ETV3L: variants seen among roughly 807,000 people sequenced by gnomAD.
The protein encoded by ETV3L is ETS variant transcription factor 3 like.
A neutral mutation model predicts 27.6 loss-of-function variants in ETV3L; 30 were observed. The ratio of observed to expected loss-of-function variants is 1.09; its 90% CI spans 0.81 to 1.48. ETV3L has a LOEUF of 1.48. Ranked by LOEUF, ETV3L falls within the 40% of genes most tolerant of loss-of-function variation. The probability of loss-of-function intolerance (pLI) is 0.00; values close to 1 mark genes in which losing one functional copy is unlikely to be tolerated. For synonymous variants in ETV3L, 186 were observed against 188.9 expected (o/e 0.98, Z 0.12); for missense variants, 443 against 455.6 (o/e 0.97, Z 0.25).
rs148267509 is a variant in ETV3L at position 157,099,482 on chromosome 1, G to A, written c.42C>T (p.Pro14=). 16 of 1,613,428 alleles carry A rather than the reference G, an allele frequency of 9.9e-6. No individual in the cohort carries two copies. The highest frequency in any genetic ancestry group is 5.5e-5 in the South Asian group (5 of 90,986). ...SCLAEGIPAN[P]GNWISGLAFP... is the part of the protein sequence containing the mutation. ...GAGGCTCACCTGAGATCCAGTTGCC[G>A]GGGTTGGCTGGGATGCCCTCAGCCA... The change falls in exon 1 of 5, where the codon CCC becomes CCT. Residue 14 remains proline, a synonymous_variant. Transcript: ENST00000454449.
chr1:157,097,934 G>A lies in ETV3L; in HGVS notation c.541C>T (p.Gln181Ter). ...TCTGGTGGCCCTCGGGGGGTCTGCTGTCCTGTCAGCTGCTCCACCATGGCC... is the reference window on the plus strand; with the variant it reads ...TCTGGTGGCCCTCGGGGGGTCTGCTATCCTGTCAGCTGCTCCACCATGGCC... Reference protein sequence around the residue: ...HQAMVEQLTGQQTPRGPPETS... With the variant: ...HQAMVEQLTG The change falls in exon 4 of 5, where the codon CAG becomes TAG. Residue 181 changes from glutamine to a stop codon, truncating the protein, a stop_gained. Transcript: ENST00000454449. LOFTEE classifies it high-confidence loss of function. 1 of 1,613,792 alleles carries A rather than the reference G, an allele frequency of 6.2e-7. No individual in the cohort carries two copies. The highest frequency in any genetic ancestry group is 8.5e-7 in the Non-Finnish European group (1 of 1,179,902).
At position 157,098,016 on chromosome 1, in the gene ETV3L, G is replaced by A. The variant is rs74116970; in HGVS notation, c.487-28C>T. 5.3e-4 allele frequency: 836 copies of A among 1,573,874 alleles called. 8 individuals carry two copies. The African/African-American group carries it at 9.9e-3, about 19-fold the overall frequency. On this transcript the variant is annotated intron_variant, in intron 3 of 4. Coordinates refer to ENST00000454449, the MANE Select transcript of ETV3L (RefSeq NM_001004341.2). ...GAGGGGTGAGAAGTAGGTGCGAGGT[G>A]TGATGGGCTCTCCTTGGCATGTATC...
At chr1:157,098,632 G>T in intron 3 of ETV3L, 74 bp downstream of exon 3, 1 of 1,381,810 alleles carries the variant, frequency 7.2e-7, no homozygotes, top group Non-Finnish European at 9.7e-7. Context: ...AGGCAAAGAG[G>T]AGGGTGGGGA....
At position 157,098,704 on chromosome 1, in the gene ETV3L, A is replaced by T. The variant is rs1202062394; in HGVS notation, c.486+2T>A. On this transcript the variant is annotated splice_donor_variant, in intron 3 of 4. Coordinates refer to ENST00000454449, the MANE Select transcript of ETV3L (RefSeq NM_001004341.2). LOFTEE classifies it high-confidence loss of function. ...TGAGACAGGGGCCACCTCCGCTCTT[A>T]CCTCACTCTGCACACCCACGGGCAC... 1.9e-6 allele frequency: 3 copies of T among 1,589,204 alleles called. No homozygotes were observed. The African/African-American group carries it at 4.1e-5, about 21-fold the overall frequency.
chr1:157,098,792 C>T lies in ETV3L; in HGVS notation c.400G>A (p.Val134Met), dbSNP rs1674282641. The change falls in exon 3 of 5, where the codon GTG (valine) becomes ATG (methionine). Residue 134 changes from valine to methionine, a missense_variant. Physicochemically the swap from Val to Met is conservative, Grantham distance 21. Coordinates refer to ENST00000454449, the MANE Select transcript of ETV3L (RefSeq NM_001004341.2). ...LIVVNYPLWE[V>M]RAPPSPHLLL... ...AAGTGGGGGGATGGCGGCGCCCGCA[C>T]TTCCCACAAAGGATAGTTGACTACG... 6.2e-7 allele frequency: 1 copy of T among 1,614,148 alleles called. No homozygotes were observed. Among genetic ancestry groups the T allele is most frequent in the Non-Finnish European group, 8.5e-7 (1 of 1,180,008 alleles).
rs1674297483 is a variant in ETV3L at position 157,099,376 on chromosome 1, A to G, written c.61T>C (p.Leu21=). The stretch of plus-strand genomic sequence containing the variant: ...TTGTAGGCCCAATCAGGGAAGGCCA[A>G]CCCTGGGTGGAGAGGGGAGAGTGAG... ...PANPGNWISG[L]AFPDWAYKAE... The change falls in exon 2 of 5, where the codon TTG becomes CTG. Residue 21 remains leucine (L), a splice_region_variant and synonymous_variant. Coordinates refer to ENST00000454449, the MANE Select transcript of ETV3L (RefSeq NM_001004341.2). 15 of 1,614,084 alleles carry G rather than the reference A, an allele frequency of 9.3e-6. No individual in the cohort carries two copies. Among genetic ancestry groups the G allele is most frequent in the African/African-American group, 1.3e-5 (1 of 75,010 alleles).
chr1:157,095,551 C>T (rs1467663), intron 4 of ETV3L, among the ~76,000 whole-genome samples: 90,953 of 139,718 alleles, frequency 0.65, 29,480 homozygotes, highest in East Asian at 0.77. Flanking sequence ...TTCTTTCTTT[C>T]TTTTTTTTTT....
intron 3 of ETV3L, 43 bp from the exon 4 acceptor site, chr1:157,098,031 T>G (rs775475662): frequency 1.5e-5 from 24 of 1,556,926 alleles, no homozygotes; most frequent in Non-Finnish European, 1.8e-5. Context: ...GGGCTCTCCT[T>G]GGCATGTATC....
intron 4 of ETV3L, among the ~76,000 whole-genome samples, chr1:157,094,089 T>G (rs1369842206): frequency 1.3e-5 from 2 of 152,210 alleles, no homozygotes; most frequent in Non-Finnish European, 2.9e-5. Context: ...GGGAAGGATA[T>G]TCTCTGCTAT....
intron 3 of ETV3L, 101 bp from the exon 4 acceptor site, chr1:157,098,089 A>G: frequency 7.5e-7 from 1 of 1,342,260 alleles, no homozygotes; most frequent in East Asian, 2.7e-5. Context: ...ACAATGAAAT[A>G]CTCTCATACC....
chr1:157,098,814 T>G lies in ETV3L; in HGVS notation c.378A>C (p.Val126=), dbSNP rs1447982107. The stretch of plus-strand genomic sequence containing the variant: ...GCACTTCCCACAAAGGATAGTTGAC[T>G]ACGATGAGCTTGCTGAAGTTGAACT... The part of the protein sequence containing the change: ...TYKFNFSKLI[V]VNYPLWEVRA... Residue 126 remains valine, a synonymous_variant, in exon 3 of 5, where the codon GTA becomes GTC. Transcript: ENST00000454449. 1 of 1,614,036 alleles carries G rather than the reference T, an allele frequency of 6.2e-7. No individual in the cohort carries two copies. The highest frequency in any genetic ancestry group is 8.5e-7 in the Non-Finnish European group (1 of 1,180,026).
At chr1:157,094,923 A>AAC (rs1161718951) in intron 4 of ETV3L, among the ~76,000 whole-genome samples, 5 of 151,604 alleles carry the variant, frequency 3.3e-5, no homozygotes, top group East Asian at 1.9e-4. Flanking sequence ...CAAAAAAAAA[A>AAC]AAAAAAAAAA....
Position 157,099,242 on chromosome 1 carries a change from G to A in ETV3L, c.195C>T (p.Tyr65=), listed in dbSNP as rs764665765. 64 of 1,613,766 alleles carry A rather than the reference G, an allele frequency of 4.0e-5. No individual in the cohort carries two copies. The highest frequency in any genetic ancestry group is 2.0e-4 in the East Asian group (9 of 44,886). The part of the protein sequence containing the change: ...RHVIAWQQGE[Y]GEFVIKDPDE... ...CTGGATCCTTGATGACAAATTCCCC[G>A]TACTCTCCCTGCTGCCAGGCGATGA... The change falls in exon 2 of 5, where the codon TAC becomes TAT. Residue 65 remains tyrosine, a synonymous_variant. Transcript: ENST00000454449.
At position 157,099,333 on chromosome 1, in the gene ETV3L, C is replaced by G; in HGVS notation, c.104G>C (p.Gly35Ala). Residue 35 changes from glycine (G) to alanine (A), a missense_variant, in exon 2 of 5, where the codon GGC (glycine) becomes GCC (alanine). By Grantham distance (60) the Gly-to-Ala change is moderately conservative (BLOSUM62 0). Coordinates refer to ENST00000454449, the MANE Select transcript of ETV3L (RefSeq NM_001004341.2). ...GTGCCACAGCTGGATCTGCCGGGAG[C>G]CTGGGGACGACTCGGCTTTGTAGGC... ...DWAYKAESSP[G>A]SRQIQLWHFI... is the part of the protein sequence containing the mutation. 1 of 1,614,188 alleles carries G rather than the reference C, an allele frequency of 6.2e-7. No individual in the cohort carries two copies. The highest frequency in any genetic ancestry group is 2.2e-5 in the East Asian group (1 of 44,878).
chr1:157,098,082 A>G lies in ETV3L; in HGVS notation c.487-94T>C, dbSNP rs565155400. The stretch of plus-strand genomic sequence containing the variant: ...GTACTGTTAGCCAGTTGCTAAAACA[A>G]TGAAATACTCTCATACCGATTTTTT... On this transcript the variant is annotated intron_variant, in intron 3 of 4. Coordinates refer to ENST00000454449, the MANE Select transcript of ETV3L (RefSeq NM_001004341.2). 1.0e-5 allele frequency: 14 copies of G among 1,404,256 alleles called. No homozygotes were observed. In the African/African-American group the frequency reaches 1.3e-4, roughly 13 times the overall value. 87.0% of individuals were successfully genotyped at this position (1,404,256 alleles called of 1,614,324 possible).
Position 157,092,682 on chromosome 1 carries a change from G to T in ETV3L, c.1053C>A (p.Asn351Lys), listed in dbSNP as rs375241968. ...GATCCAAGGGCCACACTGCTTTGAG[G>T]TTCTCCAGATTGGGGGAAGTAAGGC... Reference protein sequence around the residue: ...EESLTSPNLENLKAVWPLDPP With the variant: ...EESLTSPNLEKLKAVWPLDPP Residue 351 changes from asparagine to lysine, a missense_variant, in exon 5 of 5, where the codon AAC becomes AAA. Transcript: ENST00000454449. 1 of 1,613,106 alleles carries T rather than the reference G, an allele frequency of 6.2e-7. No individual in the cohort carries two copies. Among genetic ancestry groups the T allele is most frequent in the South Asian group, 1.1e-5 (1 of 90,948 alleles).
rs1674133406 is a variant in ETV3L, at chr1:157,092,395, G to A, written c.*254C>T. 1 of 448,168 alleles carries A rather than the reference G, an allele frequency of 2.2e-6. No homozygotes were observed. Among genetic ancestry groups the A allele is most frequent in the Non-Finnish European group, 3.9e-6 (1 of 254,676 alleles). The allele number at this position is 448,168 out of a possible 1,614,324, so 27.8% of individuals were successfully genotyped here. On this transcript the variant is annotated 3_prime_UTR_variant, in exon 5 of 5. Transcript: ENST00000454449. ...TTTATTCTCGTCTCCCTGAAGAAAA[G>A]TTGAGATTAGGAATGTCCCCTTAGT...
chr1:157,093,263 G>A (rs185953111), intron 4 of ETV3L, 136 bp from the exon 5 acceptor site: 151 of 581,252 alleles, frequency 2.6e-4, no homozygotes, highest in Middle Eastern at 1.5e-3. Flanking sequence ...TTTTCTTTCT[G>A]TCTTATTTTT....
rs1391280802 is a variant in ETV3L at position 157,092,811 on chromosome 1, C to G, written c.924G>C (p.Glu308Asp). The G allele has an allele frequency of 6.2e-7, 1 of 1,614,214 alleles. No individual in the cohort carries two copies. Among genetic ancestry groups the G allele is most frequent in the South Asian group, 1.1e-5 (1 of 91,088 alleles). The change falls in exon 5 of 5, where the codon GAG becomes GAC. Residue 308 changes from glutamate (E) to aspartate (D), a missense_variant. Physicochemically the swap from Glu to Asp is conservative, Grantham distance 45. Coordinates refer to ENST00000454449, the MANE Select transcript of ETV3L (RefSeq NM_001004341.2). The part of the protein sequence containing the change: ...ERLWLLSLRP[E>D]GLEVKPAPMM... ...TGGGAGCAGGCTTTACTTCCAGCCC[C>G]TCGGGCCTGAGGGACAAGAGCCAAA...
Sources: gnomAD v4.1 joint callset for allele counts (sites outside exome capture counted in the v4.1 genomes callset) on GRCh38, gnomAD v4.1.1 for gene constraint, MANE v1.5 for transcripts, NCBI Gene and HGNC (gene_info 2026-07-23, HGNC 2026-07-21) for gene names.